LRRTM4: variants seen among roughly 807,000 people sequenced by gnomAD.
LRRTM4 encodes the protein leucine-rich repeat transmembrane neuronal protein 4.
Under a neutral mutation model 47.6 loss-of-function variants are expected in LRRTM4, and 25 were observed. The ratio of observed to expected loss-of-function variants is 0.53; its 90% CI spans 0.38 to 0.73. The LOEUF is 0.73. LRRTM4 is among the 30% of genes least tolerant of loss of function. The pLI is 0.00. For missense variants in LRRTM4, 638 were observed against 713.4 expected (o/e 0.89, Z 1.20); for synonymous variants, 311 against 269.5 (o/e 1.15, Z -1.51).
At chr2:76,851,552 A>C (rs1331039119) in intron 3 of LRRTM4, among the ~76,000 whole-genome samples, 2 of 151,638 alleles carry the variant, frequency 1.3e-5, no homozygotes, top group Admixed American at 6.6e-5. Context: ...AAGGAAGCAC[A>C]GGCTTAGAAA....
chr2:76,916,254 G>A (rs1490803606), intron 3 of LRRTM4, among the ~76,000 whole-genome samples: 1 of 151,378 alleles, frequency 6.6e-6, no homozygotes, highest in East Asian at 1.9e-4. Context: ...GCGTGTTGGC[G>A]GGCGCCTGTA....
At chr2:77,029,941 G>A (rs1573472828) in intron 3 of LRRTM4, among the ~76,000 whole-genome samples, 1 of 152,058 alleles carries the variant, frequency 6.6e-6, no homozygotes, top group East Asian at 1.9e-4. Context: ...TAAAATAAGA[G>A]GATTAAAACA....
At chr2:77,177,112 C>A (rs959369844) in intron 3 of LRRTM4, among the ~76,000 whole-genome samples, 1 of 152,192 alleles carries the variant, frequency 6.6e-6, no homozygotes, top group Admixed American at 6.5e-5. Flanking sequence ...AAATAGCCAA[C>A]CAGCAGCCCT....
At chr2:76,785,763 TAAC>T (rs1441705309) in intron 3 of LRRTM4, among the ~76,000 whole-genome samples, 1 of 152,120 alleles carries the variant, frequency 6.6e-6, no homozygotes, top group Non-Finnish European at 1.5e-5. Context: ...ATGAGAAGCT[TAAC>T]AATCCATATT....
chr2:77,225,662 ATGAG>A (rs1234896124), intron 3 of LRRTM4, among the ~76,000 whole-genome samples: 14 of 152,126 alleles, frequency 9.2e-5, no homozygotes. Flanking sequence ...CTGTATGTAA[ATGAG>A]TAATTATTAT....
intron 3 of LRRTM4, among the ~76,000 whole-genome samples, chr2:77,458,374 A>G (rs1318753311): frequency 1.3e-5 from 2 of 151,710 alleles, no homozygotes; most frequent in Non-Finnish European, 2.9e-5. Flanking sequence ...AGCAGCAGGC[A>G]TTAGCTGGGT....
intron 3 of LRRTM4, among the ~76,000 whole-genome samples, chr2:76,760,464 G>A (rs2104079911): frequency 6.6e-6 from 1 of 152,250 alleles, no homozygotes; most frequent in Non-Finnish European, 1.5e-5. Flanking sequence ...GCCAAAGAAT[G>A]GGTGCTTATG....
intron 3 of LRRTM4, among the ~76,000 whole-genome samples, chr2:76,826,851 G>T (rs950499987): frequency 2.6e-5 from 4 of 151,790 alleles, no homozygotes; most frequent in East Asian, 1.9e-4. Flanking sequence ...TAACTGTAAA[G>T]TTCTGTAGCC....
intron 3 of LRRTM4, among the ~76,000 whole-genome samples, chr2:77,015,310 TGG>T (rs1678019748): frequency 6.6e-6 from 1 of 152,120 alleles, no homozygotes; most frequent in African/African-American, 2.4e-5. Context: ...GACTGATACA[TGG>T]AGGAAGTTGT....
At chr2:76,780,676 G>C (rs1028487365) in intron 3 of LRRTM4, among the ~76,000 whole-genome samples, 1 of 151,986 alleles carries the variant, frequency 6.6e-6, no homozygotes, top group Non-Finnish European at 1.5e-5. Context: ...TTTTTTCAAA[G>C]TTTTCAACTT....
chr2:77,401,429 C>T (rs910952712), intron 3 of LRRTM4, among the ~76,000 whole-genome samples: 2 of 151,756 alleles, frequency 1.3e-5, no homozygotes, highest in Non-Finnish European at 2.9e-5. Flanking sequence ...CTTCATTTTC[C>T]TTCATATCAT....
At position 77,010,374 on chromosome 2, in the gene LRRTM4, G is replaced by T. The variant is rs140993529; in HGVS notation, c.1552-261458C>A. ...TTTTTTACATTCCATATGTAAATGA[G>T]ATTATGCAATATTTGTTTTTCTGTG... On this transcript the variant is annotated intron_variant, in intron 3 of 3. Transcript: ENST00000409884. Among the ~76,000 whole-genome samples, 646 of 151,894 alleles carry T rather than the reference G, an allele frequency of 4.3e-3. 4 individuals carry two copies. The highest frequency in any genetic ancestry group is 7.5e-3 in the Non-Finnish European group (506 of 67,908).
At chr2:77,289,315 G>T (rs1676754310) in intron 3 of LRRTM4, among the ~76,000 whole-genome samples, 1 of 151,894 alleles carries the variant, frequency 6.6e-6, no homozygotes, top group Admixed American at 6.6e-5. Context: ...AAAGGTAATG[G>T]ATTTATCTAT....
Position 77,289,587 on chromosome 2 carries a change from G to T in LRRTM4, c.1551+228731C>A, listed in dbSNP as rs551256352. Among the ~76,000 whole-genome samples the T allele has an allele frequency of 8.6e-5, 13 of 151,020 alleles. 1 individual carries two copies. The South Asian group carries it at 1.3e-3, about 15-fold the overall frequency. On this transcript the variant is annotated intron_variant, in intron 3 of 3. Coordinates refer to ENST00000409884, the MANE Select transcript of LRRTM4 (RefSeq NM_001134745.3). Reference sequence around the variant, plus strand: ...GCAGGATCAAGAAAATATGTTAGTGGTTTTTTTTTAGAAATGGTTATTTGG... The same window carrying T: ...GCAGGATCAAGAAAATATGTTAGTGTTTTTTTTTTAGAAATGGTTATTTGG...
At chr2:76,790,297 G>C (rs765996393) in intron 3 of LRRTM4, among the ~76,000 whole-genome samples, 63 of 152,042 alleles carry the variant, frequency 4.1e-4, no homozygotes, top group Admixed American at 7.2e-4. Context: ...GGATCTTCAT[G>C]GATTGCCTCT....
intron 3 of LRRTM4, among the ~76,000 whole-genome samples, chr2:77,312,050 C>A (rs1385519433): frequency 6.6e-6 from 1 of 152,048 alleles, no homozygotes; most frequent in Non-Finnish European, 1.5e-5. Context: ...CCATAGCCCC[C>A]ACCCACTCTC....
At chr2:77,353,576 G>A (rs1169011332) in intron 3 of LRRTM4, among the ~76,000 whole-genome samples, 1 of 152,112 alleles carries the variant, frequency 6.6e-6, no homozygotes, top group African/African-American at 2.4e-5. Flanking sequence ...TATGTAGGGG[G>A]ATAATGACAC....
At chr2:77,352,364 A>G (rs1671815983) in intron 3 of LRRTM4, among the ~76,000 whole-genome samples, 1 of 152,146 alleles carries the variant, frequency 6.6e-6, no homozygotes, top group Admixed American at 6.6e-5. Flanking sequence ...AGTAAATTCA[A>G]GCTCTCTCTC....
intron 3 of LRRTM4, among the ~76,000 whole-genome samples, chr2:77,513,404 A>G (rs1205473954): frequency 6.6e-6 from 1 of 152,162 alleles, no homozygotes; most frequent in African/African-American, 2.4e-5. Flanking sequence ...ACACTGTGCT[A>G]GCTGAGTCAC....
Sources: gnomAD v4.1 joint callset for allele counts (sites outside exome capture counted in the v4.1 genomes callset) on GRCh38, gnomAD v4.1.1 for gene constraint, MANE v1.5 for transcripts, NCBI Gene and HGNC (gene_info 2026-07-23, HGNC 2026-07-21) for gene names.